The following GFOD2 variants were observed in gnomAD, a reference collection of about 807,000 sequenced individuals.
GFOD2 encodes Gfo/Idh/MocA-like oxidoreductase domain containing 2.
In GFOD2, 9 loss-of-function variants were observed where a neutral mutation model predicts 24.6. The observed-to-expected ratio is 0.37, with a 90% CI of 0.22 to 0.64. GFOD2 has a LOEUF of 0.64. GFOD2 is among the 30% of genes least tolerant of loss of function. The pLI, the probability that GFOD2 is intolerant of heterozygous loss-of-function variation, is 0.65. For missense variants in GFOD2, 476 were observed against 532.5 expected, an observed-to-expected ratio of 0.89 and a Z score of 1.04; for synonymous variants, 211 against 224.8, an observed-to-expected ratio of 0.94 and a Z score of 0.55.
chr16:67,715,360 C>A (rs2053499676), intron 1 of GFOD2, among the ~76,000 whole-genome samples: 1 of 152,126 alleles, frequency 6.6e-6, no homozygotes, highest in African/African-American at 2.4e-5. Flanking sequence ...GCGCCTGGCT[C>A]TAATCCATAT....
At chr16:67,716,698 G>A (rs138474542) in intron 1 of GFOD2, among the ~76,000 whole-genome samples, 188 of 152,310 alleles carry the variant, frequency 1.2e-3, no homozygotes, top group South Asian at 4.6e-3. Context: ...TGATTTTCAT[G>A]AAGCCTTTCT....
In GFOD2 at chr16:67,685,802, C is replaced by A; in HGVS notation, c.-87G>T. The A allele has an allele frequency of 6.9e-7, 1 of 1,456,888 alleles. No individual in the cohort carries two copies. Among genetic ancestry groups the A allele is most frequent in the Non-Finnish European group, 9.3e-7 (1 of 1,079,280 alleles). 90.2% of individuals were successfully genotyped at this position (1,456,888 alleles called of 1,614,324 possible). A position where few individuals can be genotyped will look rare whatever the true frequency, so the allele number is the denominator to read the frequency against. ...CCAAACGTCCTGGTCAGACATGGCT[C>A]CTAGAATAGCAAACATTACACTGGT... On this transcript the variant is annotated splice_region_variant and 5_prime_UTR_variant, in exon 2 of 3. It introduces an in-frame stop codon into an upstream open reading frame of the 5' UTR. Transcript: ENST00000268797.
chr16:67,681,566 GC>G, intron 2 of GFOD2: 1 of 500,032 alleles, frequency 2.0e-6, no homozygotes, highest in Non-Finnish European at 2.6e-6. Context: ...ACGCCACTGT[GC>G]CCAGCTAATT....
At chr16:67,704,731 G>C (rs1161474063) in intron 1 of GFOD2, among the ~76,000 whole-genome samples, 1 of 152,226 alleles carries the variant, frequency 6.6e-6, no homozygotes, top group Non-Finnish European at 1.5e-5. Flanking sequence ...ACCTGACGCA[G>C]AGTTAGGCCT....
At chr16:67,703,981 GTCC>G (rs1025758067) in intron 1 of GFOD2, among the ~76,000 whole-genome samples, 2 of 152,174 alleles carry the variant, frequency 1.3e-5, no homozygotes, top group African/African-American at 4.8e-5. Context: ...TCAGCGTAAT[GTCC>G]TCAAGGTTCA....
Position 67,675,260 on chromosome 16 carries a change from G to T in GFOD2, c.1053C>A (p.Ile351=). Residue 351 remains isoleucine (I), a synonymous_variant, in exon 3 of 3, where the codon ATC becomes ATA. Transcript: ENST00000268797. The stretch of plus-strand genomic sequence containing the variant: ...ACTCCCCGGATCGGCTCGACCTCTT[G>T]ATGGCATCCACCACGCTCTGCATGT... ...GLYMQSVVDA[I]KRSSRSGEWE... 2 of 1,613,082 alleles carry T rather than the reference G, an allele frequency of 1.2e-6. No homozygotes were observed. The highest frequency in any genetic ancestry group is 1.7e-6 in the Non-Finnish European group (2 of 1,180,016).
At chr16:67,677,235 T>C (rs1041353854) in intron 2 of GFOD2, 2 of 152,118 alleles carry the variant, frequency 1.3e-5, no homozygotes, top group African/African-American at 4.8e-5. Context: ...AATATTGAGA[T>C]AGAGTCTCAC....
At position 67,685,692 on chromosome 16, in the gene GFOD2, G is replaced by A. The variant is rs145918148; in HGVS notation, c.24C>T (p.Gly8=). 5.3e-3 allele frequency: 8,566 copies of A among 1,612,532 alleles called. 431 individuals are homozygous for A. The South Asian group carries it at 0.088, about 17-fold the overall frequency. ...GGGCGGAGCTGCCAGTCCCAAACAC[G>A]CCCACTCCTGGCAGCATCTTCATCC... MKMLPGV[G]VFGTGSSARV... Residue 8 remains glycine, a synonymous_variant, in exon 2 of 3, where the codon GGC becomes GGT. Transcript: ENST00000268797.
intron 1 of GFOD2, among the ~76,000 whole-genome samples, chr16:67,700,110 A>G (rs143586350): frequency 0.064 from 9,736 of 152,088 alleles, 418 homozygotes; most frequent in Non-Finnish European, 0.1. Context: ...GCGGTGGCTC[A>G]CGCCTATAAT....
At chr16:67,712,286 C>G (rs1476106690) in intron 1 of GFOD2, among the ~76,000 whole-genome samples, 2 of 116,284 alleles carry the variant, frequency 1.7e-5, no homozygotes, top group South Asian at 3.5e-4. Flanking sequence ...TCCCCCTCCC[C>G]CTCCCCCTCC....
intron 2 of GFOD2, among the ~76,000 whole-genome samples, chr16:67,679,804 T>C (rs2053210746): frequency 6.6e-6 from 1 of 152,004 alleles, no homozygotes; most frequent in Non-Finnish European, 1.5e-5. Flanking sequence ...GGAGAATTGC[T>C]TGAACCCCGG....
Position 67,675,425 on chromosome 16 carries a change from G to C in GFOD2, c.888C>G (p.Pro296=). The part of the protein sequence containing the change: ...AVGAGLPEQG[P]QDVPLLYLKG... ...TCAGGTACAGCAGCGGGACATCCTG[G>C]GGCCCCTGCTCAGGCAGTCCTGCGC... The change falls in exon 3 of 3, where the codon CCC becomes CCG. Residue 296 remains proline (P), a synonymous_variant. Transcript: ENST00000268797. 1 of 1,612,936 alleles carries C rather than the reference G, an allele frequency of 6.2e-7. No homozygotes were observed. The highest frequency in any genetic ancestry group is 2.2e-5 in the East Asian group (1 of 44,884).
In GFOD2 at chr16:67,677,901, G is replaced by A. The variant is rs1312687296; in HGVS notation, c.260-1848C>T. Reference sequence around the variant, plus strand: ...TTAGGCCTGGATGCCTGTGACCTGGGGCAACCGGTCACAAGAATGTGCCTT... The same window carrying A: ...TTAGGCCTGGATGCCTGTGACCTGGAGCAACCGGTCACAAGAATGTGCCTT... On this transcript the variant is annotated intron_variant, in intron 2 of 2. Transcript: ENST00000268797. The A allele has an allele frequency of 5.9e-5, 9 of 152,286 alleles. No individual in the cohort carries two copies. The East Asian group carries it at 1.4e-3, about 23-fold the overall frequency. 9.4% of individuals were successfully genotyped at this position (152,286 alleles called of 1,614,324 possible). A position where few individuals can be genotyped will look rare whatever the true frequency, so the allele number is the denominator to read the frequency against.
intron 1 of GFOD2, among the ~76,000 whole-genome samples, chr16:67,689,603 G>A (rs1373810159): frequency 6.6e-6 from 1 of 152,002 alleles, no homozygotes; most frequent in East Asian, 2.0e-4. Context: ...CCCGGGAGGC[G>A]GAGGTTGCAG....
At chr16:67,713,733 T>C (rs1174002411) in intron 1 of GFOD2, among the ~76,000 whole-genome samples, 2 of 152,150 alleles carry the variant, frequency 1.3e-5, no homozygotes, top group East Asian at 3.9e-4. Flanking sequence ...TATGGAGGCT[T>C]CATTAACTAG....
intron 1 of GFOD2, among the ~76,000 whole-genome samples, chr16:67,710,410 G>A (rs2053465175): frequency 6.6e-6 from 1 of 152,032 alleles, no homozygotes; most frequent in African/African-American, 2.4e-5. Flanking sequence ...GAGACGAAGT[G>A]GAGAAGTGCA....
Position 67,709,258 on chromosome 16 carries a change from TG to T in GFOD2, c.-88+9904del, listed in dbSNP as rs2053457531. Among the ~76,000 whole-genome samples the T allele has an allele frequency of 2.7e-5, 4 of 150,024 alleles. No homozygotes were observed. In the South Asian group the frequency reaches 8.4e-4, roughly 31 times the overall value. On this transcript the variant is annotated intron_variant, in intron 1 of 2. Transcript: ENST00000268797. ...AGTAGGTCAAGGCTGCAGTGGGCTG[TG>T]ATTGCACCACTGTACTCCAGCCTGG...
rs2053172799 is a variant in GFOD2 at position 67,675,100 on chromosome 16, C to G, written c.*55G>C. ...AGGGCCAAGTCCCTGTCATGTCTGG[C>G]TCCTGTTCCCCTCCCTGGTCCCTCT... On this transcript the variant is annotated 3_prime_UTR_variant, in exon 3 of 3. Transcript: ENST00000268797. The G allele has an allele frequency of 1.3e-6, 2 of 1,542,970 alleles. No homozygotes were observed. The highest frequency in any genetic ancestry group is 2.7e-5 in the African/African-American group (2 of 73,296).
At position 67,675,569 on chromosome 16, in the gene GFOD2, C is replaced by T. The variant is rs1157509240; in HGVS notation, c.744G>A (p.Val248=). The T allele has an allele frequency of 1.2e-6, 2 of 1,613,426 alleles. No individual in the cohort carries two copies. The highest frequency in any genetic ancestry group is 1.7e-5 in the Admixed American group (1 of 60,016). ...TLNFNMPGAF[V]HEVMVVGSAG... Reference sequence around the variant, plus strand: ...CAGAGCCTACCACCATGACTTCATGCACAAAGGCGCCTGGCATGTTGAAGT... The same window carrying T: ...CAGAGCCTACCACCATGACTTCATGTACAAAGGCGCCTGGCATGTTGAAGT... Residue 248 remains valine, a synonymous_variant, in exon 3 of 3, where the codon GTG becomes GTA. Coordinates refer to ENST00000268797, the MANE Select transcript of GFOD2 (RefSeq NM_030819.4).
Sources: gnomAD v4.1 joint callset for allele counts (sites outside exome capture counted in the v4.1 genomes callset) on GRCh38, gnomAD v4.1.1 for gene constraint, MANE v1.5 for transcripts, NCBI Gene and HGNC (gene_info 2026-07-23, HGNC 2026-07-21) for gene names.